Variants in PACRG observed in about 807,000 individuals in gnomAD.
The protein encoded by PACRG is parkin coregulated.
A neutral mutation model predicts 29.7 loss-of-function variants in PACRG; 29 were observed. The observed-to-expected ratio is 0.98, with a 90% CI of 0.73 to 1.33. The LOEUF (loss-of-function observed/expected upper bound fraction) is 1.33. Ranked by LOEUF, PACRG falls within the 40% of genes most tolerant of loss-of-function variation. PACRG has a pLI of 0.00. For missense variants in PACRG, 279 were observed against 316.2 expected (o/e 0.88, Z 0.89); for synonymous variants, 116 against 118.7 (o/e 0.98, Z 0.15).
At chr6:162,771,392 T>G (rs1783209451) in intron 1 of PACRG, among the ~76,000 whole-genome samples, 1 of 152,162 alleles carries the variant, frequency 6.6e-6, no homozygotes, top group African/African-American at 2.4e-5. Flanking sequence ...TATTTCATTG[T>G]GTTCTGATTT....
intron 4 of PACRG, among the ~76,000 whole-genome samples, chr6:163,252,804 T>C (rs1782960700): frequency 6.6e-6 from 1 of 152,220 alleles, no homozygotes; most frequent in Non-Finnish European, 1.5e-5. Flanking sequence ...ATGTAGTGAC[T>C]ACGTTATACT....
At chr6:162,780,694 A>G (rs1269391744) in intron 1 of PACRG, among the ~76,000 whole-genome samples, 1 of 152,164 alleles carries the variant, frequency 6.6e-6, no homozygotes, top group African/African-American at 2.4e-5. Flanking sequence ...ATTTTAATAG[A>G]GACATAGAAA....
chr6:163,066,054 T>G (rs1200966922), intron 3 of PACRG, among the ~76,000 whole-genome samples: 1 of 152,050 alleles, frequency 6.6e-6, no homozygotes, highest in Admixed American at 6.5e-5. Flanking sequence ...GGAGGAAAAA[T>G]TATCTCTTAT....
rs147470669 is a variant in PACRG at position 163,269,110 on chromosome 6, T to C, written c.614-45717T>C. ...TCCTCCAAGTAAACTTAGTAAGACATCTGCAAGACCTCTGTGAAAGAAACC... is the reference window on the plus strand; with the variant it reads ...TCCTCCAAGTAAACTTAGTAAGACACCTGCAAGACCTCTGTGAAAGAAACC... On this transcript the variant is annotated intron_variant, in intron 4 of 4. Transcript: ENST00000366888. Among the ~76,000 whole-genome samples the C allele has an allele frequency of 2.6e-5, 4 of 152,288 alleles. 1 individual carries two copies. The East Asian group carries it at 7.7e-4, about 29-fold the overall frequency.
intron 4 of PACRG, among the ~76,000 whole-genome samples, chr6:163,292,862 A>T (rs12525211): frequency 0.21 from 32,129 of 152,192 alleles, 3,661 homozygotes; most frequent in African/African-American, 0.28. Context: ...GATTTCTTTA[A>T]AAAGATTTTC....
intron 2 of PACRG, among the ~76,000 whole-genome samples, chr6:163,026,362 T>G (rs1807130880): frequency 6.6e-6 from 1 of 152,240 alleles, no homozygotes; most frequent in Non-Finnish European, 1.5e-5. Flanking sequence ...ATTATTTTGG[T>G]GCAGTTTAAC....
In PACRG at chr6:163,214,918, G is replaced by T. The variant is rs535892634; in HGVS notation, c.614-99909G>T. ...TCATGCTGGCTTAAAAAAGAAATCTGTCAATTCTTGCCTTACCACTGATTT... is the reference window on the plus strand; with the variant it reads ...TCATGCTGGCTTAAAAAAGAAATCTTTCAATTCTTGCCTTACCACTGATTT... On this transcript the variant is annotated intron_variant, in intron 4 of 4. Coordinates refer to ENST00000366888, the MANE Select transcript of PACRG (RefSeq NM_001080379.2). Among the ~76,000 whole-genome samples the T allele has an allele frequency of 1.1e-4, 16 of 152,226 alleles. No homozygotes were observed. In the East Asian group the frequency reaches 2.7e-3, roughly 26 times the overall value.
chr6:163,185,569 T>C (rs1779879848), intron 4 of PACRG, among the ~76,000 whole-genome samples: 1 of 152,096 alleles, frequency 6.6e-6, no homozygotes, highest in South Asian at 2.1e-4. Context: ...AAAGAACAAA[T>C]TGAGTGCCCA....
intron 4 of PACRG, among the ~76,000 whole-genome samples, chr6:163,302,258 G>GTT (rs67109124): frequency 1.4e-5 from 2 of 142,908 alleles, no homozygotes; most frequent in African/African-American, 5.1e-5. Context: ...GTTTTTTTTT[G>GTT]TTTTTTTTTT....
intron 4 of PACRG, among the ~76,000 whole-genome samples, chr6:163,100,077 A>G (rs1814956251): frequency 6.6e-6 from 1 of 151,920 alleles, no homozygotes; most frequent in African/African-American, 2.4e-5. Context: ...GTGACACAGG[A>G]GCCGTGGCTG....
chr6:163,247,684 A>G (rs1206634763), intron 4 of PACRG, among the ~76,000 whole-genome samples: 1 of 152,112 alleles, frequency 6.6e-6, no homozygotes, highest in South Asian at 2.1e-4. Flanking sequence ...AGTCATTTCT[A>G]TTAGGACCCC....
intron 4 of PACRG, among the ~76,000 whole-genome samples, chr6:163,217,734 C>G (rs1265383392): frequency 2.0e-5 from 3 of 152,090 alleles, no homozygotes. Flanking sequence ...GGAGTGTGAA[C>G]TGTGTTGTGA....
intron 4 of PACRG, among the ~76,000 whole-genome samples, chr6:163,295,549 A>G (rs1342891268): frequency 6.6e-6 from 1 of 152,204 alleles, no homozygotes; most frequent in African/African-American, 2.4e-5. Context: ...TGATCTTATT[A>G]CGGAAGTGAA....
At chr6:162,772,035 A>C (rs2874452) in intron 1 of PACRG, among the ~76,000 whole-genome samples, 7,882 of 152,264 alleles carry the variant, frequency 0.052, 695 homozygotes, top group African/African-American at 0.18. Context: ...AGGCTTTTGC[A>C]TGATATTTTA....
intron 1 of PACRG, among the ~76,000 whole-genome samples, chr6:162,796,225 T>C (rs1785371141): frequency 6.6e-6 from 1 of 152,200 alleles, no homozygotes. Flanking sequence ...TTTGACTTTC[T>C]TGGTAGATTT....
intron 3 of PACRG, among the ~76,000 whole-genome samples, chr6:163,082,381 A>C (rs2128292885): frequency 6.6e-6 from 1 of 152,314 alleles, no homozygotes; most frequent in South Asian, 2.1e-4. Context: ...ATTATCTTAA[A>C]GTTTGTCTCA....
intron 1 of PACRG, among the ~76,000 whole-genome samples, chr6:162,751,576 C>G (rs900851118): frequency 6.6e-6 from 1 of 152,008 alleles, no homozygotes; most frequent in Admixed American, 6.6e-5. Flanking sequence ...TATTCTCAAA[C>G]TTAATTGTCA....
intron 2 of PACRG, among the ~76,000 whole-genome samples, chr6:163,034,667 C>A (rs186903849): frequency 6.6e-6 from 1 of 152,272 alleles, no homozygotes; most frequent in East Asian, 1.9e-4. Context: ...GTTGGGGGAT[C>A]TCCTCAGCAT....
intron 4 of PACRG, chr6:163,170,548 T>A (rs1253510340): frequency 6.6e-6 from 1 of 152,168 alleles, no homozygotes; most frequent in Non-Finnish European, 1.5e-5. Context: ...GGACTCACCC[T>A]ACTCTGTTGT....
Sources: allele counts gnomAD v4.1 joint callset (sites outside exome capture counted in the v4.1 genomes callset), GRCh38; gene constraint gnomAD v4.1.1; transcripts MANE v1.5; gene names NCBI Gene and HGNC (gene_info 2026-07-23, HGNC 2026-07-21).